Variants in MEGF11 observed in about 807,000 individuals in gnomAD.
MEGF11 encodes the protein multiple epidermal growth factor-like domains protein 11.
Under a neutral mutation model 146.6 loss-of-function variants are expected in MEGF11, and 126 were observed. The observed-to-expected ratio is 0.86, with a 90% CI of 0.74 to 1.00. The LOEUF (loss-of-function observed/expected upper bound fraction) is 1.00, where lower values mean the gene tolerates loss of function less well. Ranked by LOEUF, MEGF11 falls within the 50% of genes least tolerant of loss-of-function variation. MEGF11 has a pLI of 0.00. For missense variants in MEGF11, 1,509 were observed against 1,521.2 expected (o/e 0.99, Z 0.13); for synonymous variants, 532 against 583.4 (o/e 0.91, Z 1.27).
At chr15:66,170,645 G>T (rs748300650) in intron 1 of MEGF11, among the ~76,000 whole-genome samples, 1 of 152,192 alleles carries the variant, frequency 6.6e-6, no homozygotes, top group Non-Finnish European at 1.5e-5. Flanking sequence ...GTTCTATACA[G>T]GTGTAAGAGG....
intron 5 of MEGF11, among the ~76,000 whole-genome samples, chr15:66,058,736 C>T (rs2084780596): frequency 6.6e-6 from 1 of 152,166 alleles, no homozygotes; most frequent in Non-Finnish European, 1.5e-5. Flanking sequence ...GGCCCTATTC[C>T]AGTGCATCCT....
intron 5 of MEGF11, among the ~76,000 whole-genome samples, chr15:66,052,521 A>T (rs945707711): frequency 6.6e-6 from 1 of 152,208 alleles, no homozygotes; most frequent in African/African-American, 2.4e-5. Context: ...ACTCCATTTC[A>T]ACTTGAAACG....
intron 1 of MEGF11, among the ~76,000 whole-genome samples, chr15:66,146,444 T>C (rs552575729): frequency 1.3e-5 from 2 of 151,584 alleles, no homozygotes; most frequent in African/African-American, 4.9e-5. Context: ...CCAGGAGAGA[T>C]GGAGATAAAC....
At chr15:66,081,916 A>C (rs971607858) in intron 5 of MEGF11, among the ~76,000 whole-genome samples, 4 of 152,146 alleles carry the variant, frequency 2.6e-5, no homozygotes, top group Non-Finnish European at 5.9e-5. Flanking sequence ...CTTAGAGGGC[A>C]CTGATCTAAA....
At chr15:66,194,438 A>G (rs960393000) in intron 1 of MEGF11, among the ~76,000 whole-genome samples, 12 of 152,074 alleles carry the variant, frequency 7.9e-5, no homozygotes, top group Non-Finnish European at 1.5e-4. Flanking sequence ...GTAAAACCCC[A>G]TCTCTACTAA....
chr15:66,229,924 G>T (rs16949701), intron 1 of MEGF11, among the ~76,000 whole-genome samples: 8 of 152,194 alleles, frequency 5.3e-5, no homozygotes, highest in Non-Finnish European at 1.0e-4. Flanking sequence ...AGCTCTGTTT[G>T]TTTTGAGGCT....
At chr15:66,207,337 T>G (rs887818182) in intron 1 of MEGF11, among the ~76,000 whole-genome samples, 2 of 152,178 alleles carry the variant, frequency 1.3e-5, no homozygotes, top group Admixed American at 6.5e-5. Flanking sequence ...ACAATGAAAC[T>G]CAATGAGATT....
intron 5 of MEGF11, among the ~76,000 whole-genome samples, chr15:66,056,147 G>A (rs2084666293): frequency 6.6e-6 from 1 of 152,048 alleles, no homozygotes; most frequent in African/African-American, 2.4e-5. Flanking sequence ...GTGACTGATG[G>A]GTGCATTCCA....
intron 13 of MEGF11, among the ~76,000 whole-genome samples, chr15:65,927,191 A>G (rs1329185332): frequency 6.6e-6 from 1 of 152,236 alleles, no homozygotes; most frequent in African/African-American, 2.4e-5. Flanking sequence ...ACTATGTGCC[A>G]GGCACTGTTA....
At chr15:66,125,094 G>C (rs1372908033) in intron 2 of MEGF11, among the ~76,000 whole-genome samples, 1 of 152,218 alleles carries the variant, frequency 6.6e-6, no homozygotes, top group Non-Finnish European at 1.5e-5. Flanking sequence ...TAGGCTCTCT[G>C]ATGCCTGAAA....
intron 1 of MEGF11, among the ~76,000 whole-genome samples, chr15:66,155,253 T>TG (rs11375556): frequency 0.22 from 33,221 of 151,902 alleles, 5,738 homozygotes; most frequent in African/African-American, 0.49. Context: ...CACATGGTGA[T>TG]GCCCCCCACC....
intron 3 of MEGF11, among the ~76,000 whole-genome samples, chr15:66,123,368 C>T (rs1359323644): frequency 6.6e-6 from 1 of 152,176 alleles, no homozygotes; most frequent in Non-Finnish European, 1.5e-5. Context: ...TACATCTGCT[C>T]AGGGCAGGGG....
chr15:66,031,776 T>G (rs1297770631), intron 5 of MEGF11, among the ~76,000 whole-genome samples: 1 of 152,208 alleles, frequency 6.6e-6, no homozygotes, highest in Non-Finnish European at 1.5e-5. Flanking sequence ...TGAATGTGTC[T>G]CCCAAAAGTT....
chr15:66,080,675 T>C (rs982693456), intron 5 of MEGF11, among the ~76,000 whole-genome samples: 10 of 152,262 alleles, frequency 6.6e-5, no homozygotes, highest in Non-Finnish European at 1.5e-5. Context: ...GTCCTGGCTA[T>C]TGAATTCCTT....
In MEGF11 at chr15:66,082,514, T is replaced by TATCTATATATAA. The variant is rs1555468628; in HGVS notation, c.394+11887_394+11888insTTATATATAGAT. 1.3e-3 allele frequency among the ~76,000 whole-genome samples: 146 copies of TATCTATATATAA among 115,026 alleles called. 2 individuals carry two copies. The highest frequency in any genetic ancestry group is 1.8e-3 in the Non-Finnish European group (107 of 59,194). The allele number at this position is 115,026 out of a possible 152,430, so 75.5% of individuals were successfully genotyped here. Reference sequence around the variant, plus strand: ...CTATCTATCTATCTATCTATCTATCTATAAATAAATTAGCCAGGTGTGGTG... The same window carrying TATCTATATATAA: ...CTATCTATCTATCTATCTATCTATCTATCTATATATAAATAAATAAATTAGCCAGGTGTGGTG... On this transcript the variant is annotated intron_variant, in intron 5 of 25. Transcript: ENST00000395614.
intron 1 of MEGF11, among the ~76,000 whole-genome samples, chr15:66,177,095 T>G (rs1007398023): frequency 2.0e-5 from 3 of 152,138 alleles, no homozygotes; most frequent in African/African-American, 7.2e-5. Flanking sequence ...TTTGGGAGAT[T>G]TCTGCAGACA....
intron 9 of MEGF11, among the ~76,000 whole-genome samples, chr15:65,960,099 TAAATC>T (rs2080804945): frequency 6.6e-6 from 1 of 152,258 alleles, no homozygotes; most frequent in Non-Finnish European, 1.5e-5. Context: ...ATCTGTTGGC[TAAATC>T]AAATCTTTCA....
chr15:66,156,921 C>A (rs1014337618), intron 1 of MEGF11, among the ~76,000 whole-genome samples: 3 of 152,156 alleles, frequency 2.0e-5, no homozygotes, highest in African/African-American at 7.2e-5. Flanking sequence ...CCTGTCCCTT[C>A]CCACCGGCCT....
At chr15:66,198,993 C>T (rs1439824232) in intron 1 of MEGF11, among the ~76,000 whole-genome samples, 1 of 152,276 alleles carries the variant, frequency 6.6e-6, no homozygotes, top group East Asian at 1.9e-4. Flanking sequence ...ACTCTGAATT[C>T]ACCCAGAGGC....
Sources: allele counts gnomAD v4.1 joint callset (sites outside exome capture counted in the v4.1 genomes callset), GRCh38; gene constraint gnomAD v4.1.1; transcripts MANE v1.5; gene names NCBI Gene and HGNC (gene_info 2026-07-23, HGNC 2026-07-21).